The following FAM229B variants were observed in gnomAD, a reference collection of about 807,000 sequenced individuals.
FAM229B encodes protein FAM229B.
A neutral mutation model predicts 6.7 loss-of-function variants in FAM229B; 2 were observed. The ratio of observed to expected loss-of-function variants is 0.30; its 90% CI spans 0.12 to 0.94. FAM229B has a LOEUF of 0.94. Among genes scored for constraint, FAM229B ranks in the 40% least tolerant of loss-of-function variants. FAM229B has a pLI of 0.54. For synonymous variants in FAM229B, 29 were observed against 34.0 expected, an observed-to-expected ratio of 0.85 and a Z score of 0.51; for missense variants, 93 against 96.2, an observed-to-expected ratio of 0.97 and a Z score of 0.14.
Position 112,099,184 on chromosome 6 carries a change from T to C in FAM229B, c.-14-86T>C, listed in dbSNP as rs1777363022. 8 of 1,191,072 alleles carry C rather than the reference T, an allele frequency of 6.7e-6. No homozygotes were observed. The East Asian group carries it at 1.7e-4, about 25-fold the overall frequency. 73.8% of individuals were successfully genotyped at this position (1,191,072 alleles called of 1,614,324 possible). ...GACTCTGACTCTTTAAAACATTCCA[T>C]GCAAGTCTTTGAAGACAATCTATCT... On this transcript the variant is annotated intron_variant, in intron 2 of 3. Coordinates refer to ENST00000368656, the MANE Select transcript of FAM229B (RefSeq NM_001033564.3).
At position 112,100,729 on chromosome 6, in the gene FAM229B, T is replaced by TG; in HGVS notation, c.185_186insG (p.Tyr63LeufsTer18). On this transcript the variant is annotated frameshift_variant, in exon 4 of 4. Coordinates refer to ENST00000368656, the MANE Select transcript of FAM229B (RefSeq NM_001033564.3). LOFTEE classifies it high-confidence loss of function. ...ACAATAACTGATGTTCCCGTCACTGTTTATGCAACAACGAGAAAGCCACCT... is the reference window on the plus strand; with the variant it reads ...ACAATAACTGATGTTCCCGTCACTGTGTTATGCAACAACGAGAAAGCCACCT... The TG allele has an allele frequency of 6.2e-7, 1 of 1,614,044 alleles. No homozygotes were observed. The highest frequency in any genetic ancestry group is 8.5e-7 in the Non-Finnish European group (1 of 1,179,946).
At chr6:112,095,734 G>A (rs1417962419) in intron 1 of FAM229B, among the ~76,000 whole-genome samples, 1 of 142,186 alleles carries the variant, frequency 7.0e-6, no homozygotes, top group Non-Finnish European at 1.5e-5. Flanking sequence ...TCTCCCCACT[G>A]CTACCACCTC....
intron 2 of FAM229B, among the ~76,000 whole-genome samples, 190 bp from the exon 3 acceptor site, chr6:112,099,080 G>A (rs1777362027): frequency 1.3e-5 from 2 of 152,118 alleles, no homozygotes; most frequent in African/African-American, 4.8e-5. Flanking sequence ...GATCACTTAA[G>A]CCCAGGGTTT....
At chr6:112,099,431 G>T in intron 3 of FAM229B, 23 bp downstream of exon 3, 8 of 1,604,120 alleles carry the variant, frequency 5.0e-6, no homozygotes, top group Non-Finnish European at 6.8e-6. Context: ...GTCCTCACAA[G>T]TGAGGAGATA....
chr6:112,099,025 T>C (rs1777361330), intron 2 of FAM229B, among the ~76,000 whole-genome samples: 1 of 152,168 alleles, frequency 6.6e-6, no homozygotes, highest in South Asian at 2.1e-4. Context: ...GCAGGCACGT[T>C]GTGTGCACCT....
intron 1 of FAM229B, among the ~76,000 whole-genome samples, chr6:112,092,266 A>G (rs1554318255): frequency 6.6e-6 from 1 of 152,086 alleles, no homozygotes; most frequent in African/African-American, 2.4e-5. Flanking sequence ...ATTGTAATCA[A>G]ATTGCTTAAT....
intron 1 of FAM229B, among the ~76,000 whole-genome samples, chr6:112,089,194 T>G (rs1441710969): frequency 6.6e-6 from 1 of 151,640 alleles, no homozygotes; most frequent in East Asian, 1.9e-4. Flanking sequence ...ACAGAGCAAA[T>G]AGAGTGAACA....
rs1777410072 is a variant in FAM229B at position 112,102,338 on chromosome 6, G to A, written c.*1551G>A. ...GACTCTACTAAAAATACAAAAATTA[G>A]TCGGGTATGATGGGCAGGTGCCTGT... On this transcript the variant is annotated 3_prime_UTR_variant, in exon 4 of 4. Coordinates refer to ENST00000368656, the MANE Select transcript of FAM229B (RefSeq NM_001033564.3). 6.6e-6 allele frequency: 1 copy of A among 152,114 alleles called. No individual in the cohort carries two copies. The highest frequency in any genetic ancestry group is 6.5e-5 in the Admixed American group (1 of 15,280). The allele number at this position is 152,114 out of a possible 1,614,324, so 9.4% of individuals were successfully genotyped here. A position where few individuals can be genotyped will look rare whatever the true frequency, so the allele number is the denominator to read the frequency against.
At chr6:112,092,233 CAG>C (rs1236164514) in intron 1 of FAM229B, among the ~76,000 whole-genome samples, 4 of 151,862 alleles carry the variant, frequency 2.6e-5, no homozygotes, top group Non-Finnish European at 5.9e-5. Context: ...GCACAAGAAA[CAG>C]AAAGAAACTA....
Position 112,089,825 on chromosome 6 carries a change from A to G in FAM229B, c.-176+2105A>G, listed in dbSNP as rs587716480. Among the ~76,000 whole-genome samples the G allele has an allele frequency of 2.1e-3, 319 of 152,320 alleles. 1 individual carries two copies. Among genetic ancestry groups the G allele is most frequent in the African/African-American group, 7.6e-3 (315 of 41,574 alleles). Reference sequence around the variant, plus strand: ...AAAGATGGCTCAACATAAGATTAACATGTGCCCACAGCAAATGGAGGAAAA... The same window carrying G: ...AAAGATGGCTCAACATAAGATTAACGTGTGCCCACAGCAAATGGAGGAAAA... On this transcript the variant is annotated intron_variant, in intron 1 of 3. Coordinates refer to ENST00000368656, the MANE Select transcript of FAM229B (RefSeq NM_001033564.3).
intron 1 of FAM229B, among the ~76,000 whole-genome samples, chr6:112,090,500 TTATAGCGG>T (rs1233172375): frequency 6.6e-5 from 10 of 152,210 alleles, no homozygotes; most frequent in Admixed American, 2.6e-4. Flanking sequence ...TAGATTTTTG[TTATAGCGG>T]TACCTAAGTC....
chr6:112,095,891 A>G (rs932492520), intron 1 of FAM229B, among the ~76,000 whole-genome samples: 13 of 152,120 alleles, frequency 8.5e-5, no homozygotes, highest in Non-Finnish European at 1.9e-4. Context: ...ATGGTGATCA[A>G]CTTATTCACA....
rs1179294531 is a variant in FAM229B at position 112,101,538 on chromosome 6, T to C, written c.*751T>C. On this transcript the variant is annotated 3_prime_UTR_variant, in exon 4 of 4. Coordinates refer to ENST00000368656, the MANE Select transcript of FAM229B (RefSeq NM_001033564.3). ...ACCTCATGTGGATTTTTTAATTTGGTTAGATGTGGGATCACTTTTGAGGAT... is the reference window on the plus strand; with the variant it reads ...ACCTCATGTGGATTTTTTAATTTGGCTAGATGTGGGATCACTTTTGAGGAT... The C allele has an allele frequency of 5.9e-5, 9 of 152,154 alleles. No homozygotes were observed. Among genetic ancestry groups the C allele is most frequent in the African/African-American group, 2.2e-4 (9 of 41,410 alleles). The allele number at this position is 152,154 out of a possible 1,614,324, so 9.4% of individuals were successfully genotyped here. A position where few individuals can be genotyped will look rare whatever the true frequency, so the allele number is the denominator to read the frequency against.
intron 1 of FAM229B, among the ~76,000 whole-genome samples, chr6:112,094,494 CTG>C (rs1332699338): frequency 6.6e-6 from 1 of 151,928 alleles, no homozygotes; most frequent in Non-Finnish European, 1.5e-5. Flanking sequence ...CCCTCCTCAA[CTG>C]TGTCAATGTT....
chr6:112,089,336 A>G (rs1554317946), intron 1 of FAM229B, among the ~76,000 whole-genome samples: 1 of 152,164 alleles, frequency 6.6e-6, no homozygotes, highest in African/African-American at 2.4e-5. Flanking sequence ...GGAACGATGT[A>G]AAAGATGGAT....
At chr6:112,089,087 C>A (rs587670262) in intron 1 of FAM229B, among the ~76,000 whole-genome samples, 1 of 152,224 alleles carries the variant, frequency 6.6e-6, no homozygotes, top group South Asian at 2.1e-4. Context: ...TGAACCGCAG[C>A]GGGCTATTCA....
At chr6:112,093,998 T>C (rs1357518608) in intron 1 of FAM229B, among the ~76,000 whole-genome samples, 2 of 151,796 alleles carry the variant, frequency 1.3e-5, no homozygotes, top group Admixed American at 6.6e-5. Context: ...AGCAAAAAAA[T>C]TTTAACTGAA....
chr6:112,098,780 A>G (rs1435928761), intron 2 of FAM229B, among the ~76,000 whole-genome samples: 3 of 152,242 alleles, frequency 2.0e-5, no homozygotes, highest in African/African-American at 7.2e-5. Context: ...ATTTAAAGGC[A>G]TACAGAATTT....
chr6:112,099,154 A>T, intron 2 of FAM229B, 116 bp from the exon 3 acceptor site: 1 of 904,584 alleles, frequency 1.1e-6, no homozygotes, highest in Non-Finnish European at 1.7e-6. Flanking sequence ...TGGCCAACAT[A>T]GTGAGACTCT....
Sources: gnomAD v4.1 joint callset for allele counts (sites outside exome capture counted in the v4.1 genomes callset) on GRCh38, gnomAD v4.1.1 for gene constraint, MANE v1.5 for transcripts, NCBI Gene and HGNC (gene_info 2026-07-23, HGNC 2026-07-21) for gene names.